The following ADAT3 variants were observed in gnomAD, a reference collection of about 807,000 sequenced individuals.
ADAT3 encodes the protein tRNA-specific adenosine-34 deaminase regulatory subunit ADAT3.
A neutral mutation model predicts 3.5 loss-of-function variants in ADAT3; 2 were observed. The ratio of observed to expected loss-of-function variants is 0.57; its 90% confidence interval spans 0.23 to 1.79. ADAT3 has a LOEUF of 1.79. Among genes scored for constraint, ADAT3 ranks in the 40% most tolerant of loss-of-function variants. The probability of loss-of-function intolerance (pLI) is 0.18; values close to 1 mark genes in which losing one functional copy is unlikely to be tolerated. For missense variants in ADAT3, 735 were observed against 571.4 expected (o/e 1.29, Z -2.92); for synonymous variants, 358 against 270.3 (o/e 1.32, Z -3.18).
chr19:1,908,557 C>CAA lies in ADAT3; in HGVS notation c.-159+3119_-159+3120insAA. ...CAGTTCAGGATCACCCGGCTGGAGT[C>CAA]ATTTTAAGATCATCTGCGGCTTAGC... On this transcript the variant is annotated intron_variant, in intron 1 of 1. Coordinates refer to ENST00000329478, the MANE Select transcript of ADAT3 (RefSeq NM_138422.4). The surrounding 1 kb of genome is among the most constrained non-coding windows in gnomAD (Gnocchi z 4.2). 2 of 471,160 alleles carry CAA rather than the reference C, an allele frequency of 4.2e-6. No homozygotes were observed. The highest frequency in any genetic ancestry group is 3.1e-5 in the South Asian group (2 of 64,572). 29.2% of individuals were successfully genotyped at this position (471,160 alleles called of 1,614,324 possible).
rs1327626996 is a variant in ADAT3 at position 1,912,195 on chromosome 19, G to A, written c.148G>A (p.Glu50Lys). ...APWQALPVLSEKQSGDVELVL... is the reference protein window; with the variant it reads ...APWQALPVLSKKQSGDVELVL... The stretch of plus-strand genomic sequence containing the variant: ...GTGGCAGGCCCTCCCTGTCCTGTCC[G>A]AGAAGCAGTCAGGGGACGTGGAGCT... Residue 50 changes from glutamate to lysine, a missense_variant, in exon 2 of 2, where the codon GAG becomes AAG. Transcript: ENST00000329478. 1.3e-6 allele frequency: 2 copies of A among 1,586,444 alleles called. No homozygotes were observed. The highest frequency in any genetic ancestry group is 1.3e-5 in the African/African-American group (1 of 74,466).
chr19:1,908,157 G>A lies in ADAT3; in HGVS notation c.-159+2718G>A, dbSNP rs970785732. The stretch of plus-strand genomic sequence containing the variant: ...TCGGTCCTGGTCGCGCGTGGTGTGC[G>A]TTTTGGGAGGGCCCAGCGAGTCGGC... On this transcript the variant is annotated intron_variant, in intron 1 of 1. Transcript: ENST00000329478. The surrounding 1 kb of genome is among the most constrained non-coding windows in gnomAD (Gnocchi z 4.2). The A allele has an allele frequency of 2.7e-5, 7 of 263,970 alleles. No individual in the cohort carries two copies. Among genetic ancestry groups the A allele is most frequent in the Non-Finnish European group, 5.3e-5 (7 of 133,158 alleles). The allele number at this position is 263,970 out of a possible 1,614,324, so 16.4% of individuals were successfully genotyped here.
At chr19:1,909,473 A>G (rs1429737937) in intron 1 of ADAT3, among the ~76,000 whole-genome samples, 2 of 151,950 alleles carry the variant, frequency 1.3e-5, no homozygotes, top group African/African-American at 4.8e-5. Flanking sequence ...CAGGGATGGT[A>G]ATGGCTCTAC....
At chr19:1,911,186 T>C (rs1393478490) in intron 1 of ADAT3, among the ~76,000 whole-genome samples, 2 of 150,932 alleles carry the variant, frequency 1.3e-5, no homozygotes, top group Non-Finnish European at 3.0e-5. Flanking sequence ...TTCATTTTTT[T>C]TTTGAGATGG....
chr19:1,912,608 C>A lies in ADAT3; in HGVS notation c.561C>A (p.Ala187=). ...GGCTCTTCTCCACGCAGGAGCGCGCCGCCATGCAGAGCCACATGGAGCGGG... is the reference window on the plus strand; with the variant it reads ...GGCTCTTCTCCACGCAGGAGCGCGCAGCCATGCAGAGCCACATGGAGCGGG... The part of the protein sequence containing the change: ...AGRLFSTQER[A]AMQSHMERAV... The change falls in exon 2 of 2, where the codon GCC becomes GCA. Residue 187 remains alanine (A), a synonymous_variant. Coordinates refer to ENST00000329478, the MANE Select transcript of ADAT3 (RefSeq NM_138422.4). 1 of 1,481,834 alleles carries A rather than the reference C, an allele frequency of 6.7e-7. No homozygotes were observed. Among genetic ancestry groups the A allele is most frequent in the Non-Finnish European group, 8.9e-7 (1 of 1,122,822 alleles). The allele number at this position is 1,481,834 out of a possible 1,614,324, so 91.8% of individuals were successfully genotyped here. A position where few individuals can be genotyped will look rare whatever the true frequency, so the allele number is the denominator to read the frequency against.
rs1386552537 is a variant in ADAT3, at chr19:1,912,932, C to T, written c.885C>T (p.Cys295=). Residue 295 remains cysteine, a synonymous_variant, in exon 2 of 2, where the codon TGC becomes TGT. Coordinates refer to ENST00000329478, the MANE Select transcript of ADAT3 (RefSeq NM_138422.4). Reference sequence around the variant, plus strand: ...ACGAGGACGGCCTCCCCTACCTGTGCACTGGCTACGACCTGTACGTGACCC... The same window carrying T: ...ACGAGGACGGCCTCCCCTACCTGTGTACTGGCTACGACCTGTACGTGACCC... ...DADEDGLPYL[C]TGYDLYVTRE... 5.0e-6 allele frequency: 8 copies of T among 1,610,286 alleles called. No homozygotes were observed. The highest frequency in any genetic ancestry group is 2.2e-5 in the East Asian group (1 of 44,852).
rs2013251024 is a variant in ADAT3 at position 1,908,378 on chromosome 19, C to A, written c.-159+2939C>A. On this transcript the variant is annotated intron_variant, in intron 1 of 1. Transcript: ENST00000329478. This position sits in a 1 kb window ranked among gnomAD's most constrained non-coding sequence, Gnocchi z 4.2. ...GGAGTTCCACTGGCTGCTGGTCCCC[C>A]ATCTGTGGGGCGCCCCGGCGGCTGA... 1 of 404,852 alleles carries A rather than the reference C, an allele frequency of 2.5e-6. No individual in the cohort carries two copies. Among genetic ancestry groups the A allele is most frequent in the Non-Finnish European group, 5.1e-6 (1 of 195,656 alleles). The allele number at this position is 404,852 out of a possible 1,614,324, so 25.1% of individuals were successfully genotyped here.
chr19:1,909,670 G>A (rs938478793), intron 1 of ADAT3, among the ~76,000 whole-genome samples: 5 of 152,318 alleles, frequency 3.3e-5, no homozygotes, highest in Admixed American at 1.3e-4. Flanking sequence ...CCCGAGAGCC[G>A]CCTTGGCACA....
rs773351384 is a variant in ADAT3, at chr19:1,913,147, C to T, written c.1100C>T (p.Thr367Met). The T allele has an allele frequency of 4.9e-5, 76 of 1,543,464 alleles. No individual in the cohort carries two copies. The highest frequency in any genetic ancestry group is 5.5e-5 in the Non-Finnish European group (63 of 1,147,938). ...EEQCRWLDPD[T>M] is the part of the protein sequence containing the mutation. ...CAGTGCCGCTGGCTGGACCCCGACA[C>T]GTAGGCGCCGCCCTCCTGCCTCCGG... The change falls in exon 2 of 2, where the codon ACG becomes ATG. Residue 367 changes from threonine to methionine, a missense_variant. By Grantham distance (81) the Thr-to-Met change is moderately conservative. Coordinates refer to ENST00000329478, the MANE Select transcript of ADAT3 (RefSeq NM_138422.4).
At position 1,912,432 on chromosome 19, in the gene ADAT3, C is replaced by T. The variant is rs920462243; in HGVS notation, c.385C>T (p.Pro129Ser). Reference sequence around the variant, plus strand: ...CTCGCTGGCTGAGCTCCTGCCACGGCCGGCTGTGGACCCCCGCGGCCTGGG... The same window carrying T: ...CTCGCTGGCTGAGCTCCTGCCACGGTCGGCTGTGGACCCCCGCGGCCTGGG... ...PRSLAELLPR[P>S]AVDPRGLGQP... Residue 129 changes from proline to serine, a missense_variant, in exon 2 of 2, where the codon CCG becomes TCG. Coordinates refer to ENST00000329478, the MANE Select transcript of ADAT3 (RefSeq NM_138422.4). 1.3e-6 allele frequency: 2 copies of T among 1,511,178 alleles called. No homozygotes were observed. The highest frequency in any genetic ancestry group is 2.9e-5 in the African/African-American group (2 of 69,316). The allele number at this position is 1,511,178 out of a possible 1,614,324, so 93.6% of individuals were successfully genotyped here.
In ADAT3 at chr19:1,908,326, C is replaced by T. The variant is rs1363475106; in HGVS notation, c.-159+2887C>T. ...GCTTCGGGCAGCGCTGGGGCCGCTT[C>T]AGCGTGACCTCCAAGGCCACTGGCC... is the stretch of plus-strand genomic sequence containing the variant. On this transcript the variant is annotated intron_variant, in intron 1 of 1. Transcript: ENST00000329478. The surrounding 1 kb of genome is among the most constrained non-coding windows in gnomAD (Gnocchi z 4.2). 1 of 357,012 alleles carries T rather than the reference C, an allele frequency of 2.8e-6. No individual in the cohort carries two copies. The highest frequency in any genetic ancestry group is 5.6e-6 in the Non-Finnish European group (1 of 179,614). 22.1% of individuals were successfully genotyped at this position (357,012 alleles called of 1,614,324 possible). A position where few individuals can be genotyped will look rare whatever the true frequency, so the allele number is the denominator to read the frequency against.
Position 1,912,804 on chromosome 19 carries a change from G to A in ADAT3, c.757G>A (p.Gly253Ser), listed in dbSNP as rs753780668. 1.9e-6 allele frequency: 3 copies of A among 1,578,578 alleles called. No homozygotes were observed. The highest frequency in any genetic ancestry group is 2.2e-5 in the South Asian group (2 of 89,016). The change falls in exon 2 of 2, where the codon GGC (glycine) becomes AGC (serine). Residue 253 changes from glycine to serine, a missense_variant. By Grantham distance (56) the Gly-to-Ser change is moderately conservative. Coordinates refer to ENST00000329478, the MANE Select transcript of ADAT3 (RefSeq NM_138422.4). Reference protein sequence around the residue: ...VCVDLVARGQGRGTYDFRPFP... With the variant: ...VCVDLVARGQSRGTYDFRPFP... ...CGTGGACCTCGTGGCGCGCGGCCAGGGCCGCGGCACCTACGACTTCAGACC... is the reference window on the plus strand; with the variant it reads ...CGTGGACCTCGTGGCGCGCGGCCAGAGCCGCGGCACCTACGACTTCAGACC...
In ADAT3 at chr19:1,911,983, C is replaced by G. The variant is rs1401669654; in HGVS notation, c.-65C>G. On this transcript the variant is annotated 5_prime_UTR_variant, in exon 2 of 2. Transcript: ENST00000329478. ...CAGCTTTGGTGGCAGCACGCCCTGC[C>G]TTGTGGAGCCACGGCCTCCCGGGAC... The G allele has an allele frequency of 4.2e-6, 6 of 1,411,958 alleles. No individual in the cohort carries two copies. Among genetic ancestry groups the G allele is most frequent in the Non-Finnish European group, 5.5e-6 (6 of 1,090,000 alleles). The allele number at this position is 1,411,958 out of a possible 1,614,324, so 87.5% of individuals were successfully genotyped here. A position where few individuals can be genotyped will look rare whatever the true frequency, so the allele number is the denominator to read the frequency against.
At chr19:1,911,830 T>C in intron 1 of ADAT3, 60 bp from the exon 2 acceptor site, 1 of 447,786 alleles carries the variant, frequency 2.2e-6, no homozygotes, top group Non-Finnish European at 3.8e-6. Flanking sequence ...TGTCTTCTGG[T>C]AGGTGAATTA....
At position 1,911,888 on chromosome 19, in the gene ADAT3, A is replaced by G; in HGVS notation, c.-158-2A>G. 1 of 849,800 alleles carries G rather than the reference A, an allele frequency of 1.2e-6. No homozygotes were observed. Among genetic ancestry groups the G allele is most frequent in the Non-Finnish European group, 1.7e-6 (1 of 605,576 alleles). The allele number at this position is 849,800 out of a possible 1,614,324, so 52.6% of individuals were successfully genotyped here. ...TGGCTGTTTAAACTCTGTGCACACC[A>G]GGGGTTAGCAGGACATGAGGGAGTG... On this transcript the variant is annotated splice_acceptor_variant, in intron 1 of 1. Transcript: ENST00000329478. LOFTEE classifies it low-confidence loss of function (5UTR_SPLICE).
intron 1 of ADAT3, among the ~76,000 whole-genome samples, chr19:1,909,271 A>G (rs1160908978): frequency 6.6e-6 from 1 of 152,132 alleles, no homozygotes; most frequent in Non-Finnish European, 1.5e-5. Flanking sequence ...TGGGAGCCAG[A>G]GGCGCTGTCC....
chr19:1,912,834 C>A lies in ADAT3; in HGVS notation c.787C>A (p.Pro263Thr). ...GRGTYDFRPF[P>T]ACSFAPAAAP... ...CGGCACCTACGACTTCAGACCCTTC[C>A]CCGCCTGCTCCTTCGCCCCGGCCGC... Residue 263 changes from proline to threonine, a missense_variant, in exon 2 of 2, where the codon CCC (proline) becomes ACC (threonine). Pro to Thr is a conservative substitution (Grantham distance 38, BLOSUM62 -1). Transcript: ENST00000329478. The A allele has an allele frequency of 3.1e-6, 5 of 1,593,042 alleles. No homozygotes were observed. Among genetic ancestry groups the A allele is most frequent in the East Asian group, 2.2e-5 (1 of 44,488 alleles).
At chr19:1,910,428 G>A (rs1382656550) in intron 1 of ADAT3, among the ~76,000 whole-genome samples, 1 of 152,216 alleles carries the variant, frequency 6.6e-6, no homozygotes, top group Non-Finnish European at 1.5e-5. Context: ...TGCCTGGGTT[G>A]CTGTGTGTGT....
chr19:1,911,328 C>T (rs1018094738), intron 1 of ADAT3, among the ~76,000 whole-genome samples: 9 of 152,168 alleles, frequency 5.9e-5, no homozygotes, highest in East Asian at 1.9e-4. Flanking sequence ...TGTGCCACCA[C>T]GCCCAGCTAA....
Sources: allele counts gnomAD v4.1 joint callset (sites outside exome capture counted in the v4.1 genomes callset), GRCh38; gene constraint gnomAD v4.1.1; non-coding constraint Gnocchi (gnomAD v3.1); transcripts MANE v1.5; gene names NCBI Gene and HGNC (gene_info 2026-07-23, HGNC 2026-07-21).